Variants in S100Z observed in about 807,000 individuals in gnomAD.
S100Z encodes the protein S100 calcium binding protein Z.
In S100Z, 11 loss-of-function variants were observed where a neutral mutation model predicts 8.5. That is an observed-to-expected ratio of 1.30 (90% CI 0.82 to 2.15). S100Z has a LOEUF of 2.15. Among genes scored for constraint, S100Z ranks in the 30% most tolerant of loss-of-function variants. The pLI is 0.00. For missense variants in S100Z, 126 were observed against 117.9 expected (o/e 1.07, Z -0.32); for synonymous variants, 34 against 43.8 (o/e 0.78, Z 0.89).
At chr5:76,858,865 C>T (rs983560269) in intron 1 of S100Z, among the ~76,000 whole-genome samples, 2 of 152,104 alleles carry the variant, frequency 1.3e-5, no homozygotes, top group Admixed American at 6.5e-5. Context: ...AATCCCAGCA[C>T]TTTGGGAGGC....
At chr5:76,872,167 A>C (rs918649927) in intron 2 of S100Z, among the ~76,000 whole-genome samples, 5 of 152,286 alleles carry the variant, frequency 3.3e-5, no homozygotes, top group South Asian at 4.1e-4. Flanking sequence ...GGATTGCTTG[A>C]GCCTGGGAGT....
At chr5:76,863,334 C>T (rs1371901616) in intron 1 of S100Z, among the ~76,000 whole-genome samples, 1 of 152,196 alleles carries the variant, frequency 6.6e-6, no homozygotes, top group Admixed American at 6.5e-5. Context: ...GTCCTTAACA[C>T]ACTTTAGAAT....
chr5:76,872,116 A>C (rs1743032245), intron 2 of S100Z, among the ~76,000 whole-genome samples: 1 of 152,070 alleles, frequency 6.6e-6, no homozygotes. Flanking sequence ...GGTGGTGTGC[A>C]CCTGTGTGTG....
chr5:76,920,022 G>A (rs1224462200), intron 4 of S100Z, among the ~76,000 whole-genome samples: 1 of 150,772 alleles, frequency 6.6e-6, no homozygotes, highest in African/African-American at 2.4e-5. Flanking sequence ...AGTTCCCCCT[G>A]CCTCAGCTTC....
At chr5:76,942,533 A>G in the S100Z span, among the ~76,000 whole-genome samples, 1 of 152,142 alleles carries the variant, frequency 6.6e-6, no homozygotes, top group African/African-American at 2.4e-5. Context: ...AGTAATGATT[A>G]GAAATGTTAA....
chr5:76,928,003 G>T, the S100Z span, among the ~76,000 whole-genome samples: 1 of 152,292 alleles, frequency 6.6e-6, no homozygotes, highest in Middle Eastern at 3.4e-3. Context: ...AGGACGTGGG[G>T]GTTTGGGTGG....
At chr5:76,890,208 G>C (rs1053180141) in intron 4 of S100Z, among the ~76,000 whole-genome samples, 28 of 152,222 alleles carry the variant, frequency 1.8e-4, no homozygotes, top group African/African-American at 6.7e-4. Context: ...ATTTTTAGTA[G>C]AGATGGGGTT....
chr5:76,928,197 C>T, the S100Z span, among the ~76,000 whole-genome samples: 1 of 152,182 alleles, frequency 6.6e-6, no homozygotes, highest in Non-Finnish European at 1.5e-5. Context: ...TTATAAATTA[C>T]AGCTTTTTGG....
At chr5:76,850,693 G>A (rs1750704105) in intron 1 of S100Z, among the ~76,000 whole-genome samples, 1 of 152,222 alleles carries the variant, frequency 6.6e-6, no homozygotes, top group Non-Finnish European at 1.5e-5. Context: ...GGCATGCCTG[G>A]ACAATCAGCC....
intron 4 of S100Z, among the ~76,000 whole-genome samples, chr5:76,898,952 TGAGACAGAATTTTGCTC>T (rs1744140106): frequency 6.7e-6 from 1 of 148,834 alleles, no homozygotes. Context: ...TTTTTTTTTT[TGAGACAGAATTTTGCTC>T]TTGTTGCCCA....
At position 76,902,955 on chromosome 5, in the gene S100Z, G is replaced by A. The variant is rs185659015; in HGVS notation, c.*3-17762G>A. On this transcript the variant is annotated intron_variant, in intron 4 of 4. Coordinates refer to ENST00000317593, the MANE Select transcript of S100Z (RefSeq NM_130772.4). The stretch of plus-strand genomic sequence containing the variant: ...AATCCCAGCACTTTGGGAGGCTGAG[G>A]TGGGTGGATCATCTGAGGTCAGGAG... 4.6e-3 allele frequency among the ~76,000 whole-genome samples: 694 copies of A among 152,338 alleles called. 6 individuals are homozygous for A. The highest frequency in any genetic ancestry group is 0.016 in the African/African-American group (646 of 41,572).
At chr5:76,919,850 T>A (rs1744982440) in intron 4 of S100Z, among the ~76,000 whole-genome samples, 2 of 151,716 alleles carry the variant, frequency 1.3e-5, no homozygotes, top group African/African-American at 4.8e-5. Flanking sequence ...GTGATCCTTC[T>A]GCCTCAGCTT....
chr5:76,915,280 G>C (rs1187319247), intron 4 of S100Z, among the ~76,000 whole-genome samples: 1 of 147,852 alleles, frequency 6.8e-6, no homozygotes, highest in African/African-American at 2.5e-5. Context: ...ACTCCAGCCT[G>C]GGTGACAGAG....
At chr5:76,944,045 G>T in the S100Z span, among the ~76,000 whole-genome samples, 1 of 151,818 alleles carries the variant, frequency 6.6e-6, no homozygotes, top group Admixed American at 6.6e-5. Flanking sequence ...TGTGTCCCTG[G>T]GAGTCCCCTA....
At chr5:76,933,687 A>T in the S100Z span, among the ~76,000 whole-genome samples, 6 of 152,214 alleles carry the variant, frequency 3.9e-5, no homozygotes, top group Non-Finnish European at 8.8e-5. Context: ...TACAACTTGA[A>T]AATTTATTCT....
intron 1 of S100Z, among the ~76,000 whole-genome samples, chr5:76,868,479 G>A (rs551887695): frequency 6.6e-6 from 1 of 150,980 alleles, no homozygotes; most frequent in South Asian, 2.1e-4. Flanking sequence ...TGAGTTCTCC[G>A]AGTAAATTAT....
At chr5:76,894,515 G>A (rs188560456) in intron 4 of S100Z, among the ~76,000 whole-genome samples, 12 of 151,990 alleles carry the variant, frequency 7.9e-5, no homozygotes, top group Admixed American at 2.6e-4. Flanking sequence ...ATCCATATAC[G>A]TACGCATGGA....
rs899675219 is a variant in S100Z, at chr5:76,911,978, G to A, written c.*3-8739G>A. Among the ~76,000 whole-genome samples, 13 of 152,158 alleles carry A rather than the reference G, an allele frequency of 8.5e-5. No homozygotes were observed. In the East Asian group the frequency reaches 1.5e-3, roughly 18 times the overall value. ...ACAGAGAGTGCAGGGCTAGCTCTTG[G>A]AGTCCTTACTCAGACTCGTGGGACA... On this transcript the variant is annotated intron_variant, in intron 4 of 4. Coordinates refer to ENST00000317593, the MANE Select transcript of S100Z (RefSeq NM_130772.4).
intron 1 of S100Z, among the ~76,000 whole-genome samples, chr5:76,865,775 G>A (rs1170897963): frequency 4.6e-5 from 7 of 151,420 alleles, no homozygotes; most frequent in African/African-American, 1.2e-4. Flanking sequence ...CACTTTGGGC[G>A]GTTGAGGTGG....
Sources: gnomAD v4.1 joint callset for allele counts (sites outside exome capture counted in the v4.1 genomes callset) on GRCh38, gnomAD v4.1.1 for gene constraint, MANE v1.5 for transcripts, NCBI Gene and HGNC (gene_info 2026-07-23, HGNC 2026-07-21) for gene names.